The following LAMA4 variants were observed in gnomAD, a reference collection of about 807,000 sequenced individuals.
LAMA4 encodes laminin subunit alpha-4.
Under a neutral mutation model 207.1 loss-of-function variants are expected in LAMA4, and 127 were observed. The ratio of observed to expected loss-of-function variants is 0.61; its 90% CI spans 0.53 to 0.71. The LOEUF is 0.71. Among genes scored for constraint, LAMA4 ranks in the 30% least tolerant of loss-of-function variants. The probability of loss-of-function intolerance (pLI) is 0.00; values close to 1 mark genes in which losing one functional copy is unlikely to be tolerated. For missense variants in LAMA4, 2,093 were observed against 2,246.5 expected (o/e 0.93, Z 1.38); for synonymous variants, 761 against 816.0 (o/e 0.93, Z 1.15).
At chr6:112,178,630 G>A (rs1484880443) in intron 9 of LAMA4, 19 of 239,674 alleles carry the variant, frequency 7.9e-5, no homozygotes, top group East Asian at 3.3e-4. Context: ...ATGCCTCTGC[G>A]TCCTCATAGC....
intron 8 of LAMA4, among the ~76,000 whole-genome samples, chr6:112,185,623 T>C (rs553128134): frequency 6.6e-6 from 1 of 152,320 alleles, no homozygotes; most frequent in African/African-American, 2.4e-5. Flanking sequence ...CTTTTTCTAA[T>C]TTGTACAAAG....
At chr6:112,109,684 A>G in intron 38 of LAMA4, 102 bp from the exon 39 acceptor site, 1 of 1,146,856 alleles carries the variant, frequency 8.7e-7, no homozygotes, top group East Asian at 2.4e-5. Context: ...TATCATCAAT[A>G]TGATTTACAT....
chr6:112,156,129 C>T (rs781861188), intron 14 of LAMA4, among the ~76,000 whole-genome samples: 2 of 152,054 alleles, frequency 1.3e-5, no homozygotes, highest in Non-Finnish European at 1.5e-5. Context: ...GGCCAGGGCA[C>T]GTATTGTCAA....
At chr6:112,133,073 C>A (rs1554330437) in intron 27 of LAMA4, among the ~76,000 whole-genome samples, 183 bp from the exon 28 acceptor site, 1 of 152,178 alleles carries the variant, frequency 6.6e-6, no homozygotes, top group East Asian at 1.9e-4. Context: ...GGGGTTTCAT[C>A]TTCTCCACTG....
intron 11 of LAMA4, among the ~76,000 whole-genome samples, chr6:112,174,919 A>G (rs189528916): frequency 1.2e-4 from 18 of 152,378 alleles, no homozygotes; most frequent in African/African-American, 3.1e-4. Context: ...AGGCTAAAAG[A>G]TATTAAAGTC....
chr6:112,156,149 C>A (rs947973806), intron 14 of LAMA4, among the ~76,000 whole-genome samples: 5 of 152,106 alleles, frequency 3.3e-5, no homozygotes, highest in African/African-American at 1.2e-4. Context: ...AGGTTTGTTT[C>A]ACTCCTGAGG....
At chr6:112,156,293 G>A (rs1202228586) in intron 14 of LAMA4, among the ~76,000 whole-genome samples, 1 of 152,002 alleles carries the variant, frequency 6.6e-6, no homozygotes, top group East Asian at 1.9e-4. Flanking sequence ...GCCTGTGTAA[G>A]GTTCATCCAA....
At chr6:112,166,979 A>G (rs1781419421) in intron 12 of LAMA4, among the ~76,000 whole-genome samples, 1 of 152,222 alleles carries the variant, frequency 6.6e-6, no homozygotes, top group African/African-American at 2.4e-5. Context: ...ATCCCTAAAC[A>G]GTGCTTTTGA....
Position 112,142,270 on chromosome 6 carries a change from T to C in LAMA4, c.2516A>G (p.Asp839Gly). Residue 839 changes from aspartate (D) to glycine (G), a missense_variant, in exon 20 of 39, where the codon GAT becomes GGT. Coordinates refer to ENST00000230538, the MANE Select transcript of LAMA4 (RefSeq NM_001105206.3). ...ASKIQVSMMFDGQSAVEVHSR... is the reference protein window; with the variant it reads ...ASKIQVSMMFGGQSAVEVHSR... ...GTGCACTTCCACAGCTGACTGGCCA[T>C]CAAACATCATGGAGACTTGGATCTG... is the stretch of plus-strand genomic sequence containing the variant. 6.2e-7 allele frequency: 1 copy of C among 1,614,124 alleles called. No homozygotes were observed. Among genetic ancestry groups the C allele is most frequent in the Non-Finnish European group, 8.5e-7 (1 of 1,179,998 alleles).
intron 2 of LAMA4, among the ~76,000 whole-genome samples, chr6:112,240,109 T>C (rs1245377280): frequency 6.6e-6 from 1 of 152,206 alleles, no homozygotes; most frequent in Non-Finnish European, 1.5e-5. Flanking sequence ...TTAAATTTCC[T>C]TTCTTTTTCT....
intron 2 of LAMA4, chr6:112,219,136 T>C (rs1784792249): frequency 1.3e-5 from 2 of 152,234 alleles, no homozygotes; most frequent in Non-Finnish European, 2.9e-5. Flanking sequence ...TTACTGAATC[T>C]TTCTTTGAAA....
At chr6:112,187,697 C>A in intron 7 of LAMA4, 96 bp from the exon 8 acceptor site, 1 of 1,224,752 alleles carries the variant, frequency 8.2e-7, no homozygotes. Context: ...TTGGTTAATA[C>A]CATTTTTATT....
chr6:112,175,127 A>T (rs1398685940), intron 11 of LAMA4, among the ~76,000 whole-genome samples, 186 bp downstream of exon 11: 1 of 152,172 alleles, frequency 6.6e-6, no homozygotes, highest in Non-Finnish European at 1.5e-5. Flanking sequence ...GCCTGAATCT[A>T]AAAATCTTGG....
intron 16 of LAMA4, among the ~76,000 whole-genome samples, chr6:112,154,339 T>C (rs1280214905): frequency 1.5e-5 from 2 of 135,536 alleles, no homozygotes; most frequent in Non-Finnish European, 3.1e-5. Context: ...TACAGTAACC[T>C]ATGTAGAACA....
chr6:112,254,349 C>T (rs1343679389), intron 1 of LAMA4, 58 bp from the exon 2 acceptor site: 1 of 633,746 alleles, frequency 1.6e-6, no homozygotes, highest in Non-Finnish European at 2.8e-6. Context: ...CTCTCTCCCT[C>T]TCTCTCTCTC....
intron 2 of LAMA4, among the ~76,000 whole-genome samples, chr6:112,228,920 C>G (rs1554363571): frequency 6.6e-6 from 1 of 152,082 alleles, no homozygotes; most frequent in African/African-American, 2.4e-5. Flanking sequence ...GGTGCTCAAG[C>G]AGTGGTAGGA....
At chr6:112,133,869 T>C (rs1269812492) in intron 26 of LAMA4, among the ~76,000 whole-genome samples, 1 of 152,226 alleles carries the variant, frequency 6.6e-6, no homozygotes, top group African/African-American at 2.4e-5. Flanking sequence ...GGGTTTAACG[T>C]AATGAAACTA....
At chr6:112,157,097 G>A (rs1032953526) in intron 14 of LAMA4, among the ~76,000 whole-genome samples, 7 of 152,098 alleles carry the variant, frequency 4.6e-5, no homozygotes, top group African/African-American at 1.4e-4. Context: ...CTACAGAGGG[G>A]AGTCTAATCT....
chr6:112,247,506 T>C (rs1554188896), intron 2 of LAMA4, among the ~76,000 whole-genome samples: 1 of 152,162 alleles, frequency 6.6e-6, no homozygotes, highest in African/African-American at 2.4e-5. Flanking sequence ...CTGTCTTCTT[T>C]TGAAAAAGAC....
Sources: gnomAD v4.1 joint callset for allele counts (sites outside exome capture counted in the v4.1 genomes callset) on GRCh38, gnomAD v4.1.1 for gene constraint, MANE v1.5 for transcripts, NCBI Gene and HGNC (gene_info 2026-07-23, HGNC 2026-07-21) for gene names.